The following ERBB3 variants were observed in gnomAD, a reference collection of about 807,000 sequenced individuals.
The protein encoded by ERBB3 is erb-b2 receptor tyrosine kinase 3, also known as receptor tyrosine-protein kinase erbB-3.
In ERBB3, 96 loss-of-function variants were observed where a neutral mutation model predicts 156.7. The observed-to-expected ratio is 0.61, with a 90% CI of 0.52 to 0.73. The LOEUF is 0.73. Ranked by LOEUF, ERBB3 falls within the 30% of genes least tolerant of loss-of-function variation. The pLI is 0.00. For missense variants in ERBB3, 1,406 were observed against 1,709.4 expected (o/e 0.82, Z 3.13); for synonymous variants, 567 against 632.0 (o/e 0.90, Z 1.54).
chr12:56,092,944 G>A (rs1358007079), intron 10 of ERBB3, 42 bp from the exon 11 acceptor site: 1 of 1,580,224 alleles, frequency 6.3e-7, no homozygotes. Flanking sequence ...ACCCAAGAAA[G>A]AAGAAGGCTC....
chr12:56,088,310 C>T (rs1402992493), intron 7 of ERBB3, 148 bp downstream of exon 7: 1 of 940,180 alleles, frequency 1.1e-6, no homozygotes, highest in Non-Finnish European at 1.7e-6. Context: ...GTGAGTGACC[C>T]TTACGTCCAG....
rs1167621194 is a variant in ERBB3 at position 56,080,433 on chromosome 12, AGTGCGC to A, written c.82+53_82+58del. On this transcript the variant is annotated intron_variant, in intron 1 of 27. Transcript: ENST00000267101. The stretch of plus-strand genomic sequence containing the variant: ...GCTCGGCACCTGGGAGCCGGAACCC[AGTGCGC>A]GCAGCCTCGGAGGGTATGGGCACGG... 4 of 1,423,600 alleles carry A rather than the reference AGTGCGC, an allele frequency of 2.8e-6. No individual in the cohort carries two copies. In the South Asian group the frequency reaches 4.9e-5, roughly 17 times the overall value. The allele number at this position is 1,423,600 out of a possible 1,614,324, so 88.2% of individuals were successfully genotyped here. A position where few individuals can be genotyped will look rare whatever the true frequency, so the allele number is the denominator to read the frequency against.
chr12:56,087,397 C>T (rs1016778872), intron 4 of ERBB3, among the ~76,000 whole-genome samples, 180 bp from the exon 5 acceptor site: 48 of 152,258 alleles, frequency 3.2e-4, no homozygotes, highest in African/African-American at 9.6e-4. Flanking sequence ...GGCGTGGCCG[C>T]GCCCCTTGTT....
chr12:56,093,400 C>T lies in ERBB3; in HGVS notation c.1330C>T (p.Arg444Ter), dbSNP rs771935902. ...KNLNVTSLGF[R>*]SLKEISAGRI... Reference sequence around the variant, plus strand: ...CTTGAATGTCACATCTCTGGGCTTCCGATCCCTGAAGGAAATTAGTGCTGG... The same window carrying T: ...CTTGAATGTCACATCTCTGGGCTTCTGATCCCTGAAGGAAATTAGTGCTGG... The change falls in exon 12 of 28, where the codon CGA becomes TGA. Residue 444 changes from arginine (R) to a stop codon, truncating the protein, a stop_gained. Coordinates refer to ENST00000267101, the MANE Select transcript of ERBB3 (RefSeq NM_001982.4). LOFTEE classifies it high-confidence loss of function. 1.1e-5 allele frequency: 18 copies of T among 1,613,912 alleles called. No homozygotes were observed. The highest frequency in any genetic ancestry group is 6.6e-5 in the South Asian group (6 of 91,074).
intron 1 of ERBB3, among the ~76,000 whole-genome samples, 176 bp downstream of exon 1, chr12:56,080,558 C>A (rs1351989886): frequency 6.6e-6 from 1 of 152,234 alleles, no homozygotes; most frequent in Non-Finnish European, 1.5e-5. Flanking sequence ...CGTGGTCCGG[C>A]CGAGGGCGGC....
In ERBB3 at chr12:56,083,899, G is replaced by A. The variant is rs199806001; in HGVS notation, c.231G>A (p.Leu77=). ...GACACAATGCCGACCTCTCCTTCCTGCAGGTTAGTGAGCCCACCCTCCTTC... is the reference window on the plus strand; with the variant it reads ...GACACAATGCCGACCTCTCCTTCCTACAGGTTAGTGAGCCCACCCTCCTTC... ...LTGHNADLSF[L]QWIREVTGYV... The change falls in exon 2 of 28, where the codon CTG becomes CTA. Residue 77 remains leucine (L), a synonymous_variant. Coordinates refer to ENST00000267101, the MANE Select transcript of ERBB3 (RefSeq NM_001982.4). 1.1e-4 allele frequency: 183 copies of A among 1,613,976 alleles called. No individual in the cohort carries two copies. The highest frequency in any genetic ancestry group is 1.2e-4 in the Admixed American group (7 of 59,998).
intron 1 of ERBB3, among the ~76,000 whole-genome samples, chr12:56,082,189 A>G (rs1868361324): frequency 6.6e-6 from 1 of 152,182 alleles, no homozygotes; most frequent in East Asian, 1.9e-4. Context: ...TAGATTCCTG[A>G]GCCAGCAGGA....
intron 1 of ERBB3, among the ~76,000 whole-genome samples, chr12:56,081,590 A>G (rs1032207220): frequency 2.0e-5 from 3 of 152,102 alleles, no homozygotes; most frequent in Admixed American, 2.0e-4. Context: ...GAGTGACTGT[A>G]TAACTGTCCC....
rs1286506615 is a variant in ERBB3 at position 56,097,775 on chromosome 12, A to G, written c.2461-10A>G. 1 of 1,612,578 alleles carries G rather than the reference A, an allele frequency of 6.2e-7. No individual in the cohort carries two copies. ...AACCTTAAGAATACTTTCTTCCCCT[A>G]TACCTACAGGGAATGTACTACCTTG... On this transcript the variant is annotated splice_polypyrimidine_tract_variant and intron_variant, in intron 20 of 27. Coordinates refer to ENST00000267101, the MANE Select transcript of ERBB3 (RefSeq NM_001982.4).
chr12:56,088,411 G>A (rs1868557728), intron 7 of ERBB3, 132 bp from the exon 8 acceptor site: 4 of 876,002 alleles, frequency 4.6e-6, no homozygotes, highest in African/African-American at 1.6e-5. Flanking sequence ...CAGCACTTAA[G>A]GGATCTAGGG....
intron 3 of ERBB3, among the ~76,000 whole-genome samples, chr12:56,085,804 T>C (rs1419618989): frequency 7.0e-6 from 1 of 142,892 alleles, no homozygotes; most frequent in Non-Finnish European, 1.5e-5. Flanking sequence ...GCGCGGTGGC[T>C]CACGCCTGTA....
In ERBB3 at chr12:56,093,089, T is replaced by C; in HGVS notation, c.1274+13T>C. On this transcript the variant is annotated intron_variant, in intron 11 of 27. Transcript: ENST00000267101. ...GAAGCCTCTACAAGTGAGTAAAGGGTATGGAGGAAATGGCATCTTCAGGCA... is the reference window on the plus strand; with the variant it reads ...GAAGCCTCTACAAGTGAGTAAAGGGCATGGAGGAAATGGCATCTTCAGGCA... 1 of 1,586,982 alleles carries C rather than the reference T, an allele frequency of 6.3e-7. No homozygotes were observed. The highest frequency in any genetic ancestry group is 1.1e-5 in the South Asian group (1 of 90,594).
chr12:56,097,643 C>T (rs940963386), intron 20 of ERBB3, 142 bp from the exon 21 acceptor site: 12 of 858,478 alleles, frequency 1.4e-5, no homozygotes, highest in Non-Finnish European at 2.3e-5. Context: ...CCTGGAAAAA[C>T]TGTCTTCCAC....
chr12:56,101,102 A>T lies in ERBB3; in HGVS notation c.3243A>T (p.Pro1081=). Residue 1081 remains proline (P), a synonymous_variant, in exon 27 of 28, where the codon CCA becomes CCT. Transcript: ENST00000267101. The part of the protein sequence containing the change: ...VSGSSERCPR[P]VSLHPMPRGC... ...GGAGCAGTGAACGGTGCCCCCGTCC[A>T]GTCTCTCTACACCCAATGCCACGGG... 1.2e-6 allele frequency: 2 copies of T among 1,614,104 alleles called. No individual in the cohort carries two copies. The highest frequency in any genetic ancestry group is 1.7e-6 in the Non-Finnish European group (2 of 1,180,010).
Position 56,102,406 on chromosome 12 carries a change from G to A in ERBB3, c.*351G>A, listed in dbSNP as rs1372769423. On this transcript the variant is annotated 3_prime_UTR_variant, in exon 28 of 28. Transcript: ENST00000267101. ...TGACTACTTGGAACTAGGCTCTTAT[G>A]TGTGCCTTTGTTTCCCATCAGACTG... is the stretch of plus-strand genomic sequence containing the variant. 1 of 300,576 alleles carries A rather than the reference G, an allele frequency of 3.3e-6. No individual in the cohort carries two copies. Among genetic ancestry groups the A allele is most frequent in the Non-Finnish European group, 6.3e-6 (1 of 159,530 alleles). 18.6% of individuals were successfully genotyped at this position (300,576 alleles called of 1,614,324 possible). A position where few individuals can be genotyped will look rare whatever the true frequency, so the allele number is the denominator to read the frequency against.
intron 25 of ERBB3, 51 bp from the exon 26 acceptor site, chr12:56,100,122 GA>G: frequency 6.3e-7 from 1 of 1,595,360 alleles, no homozygotes; most frequent in Non-Finnish European, 8.6e-7. Context: ...CCCCCATGGT[GA>G]ATGTAGATTT....
At chr12:56,089,933 T>G (rs1026098153) in intron 9 of ERBB3, among the ~76,000 whole-genome samples, 2 of 128,440 alleles carry the variant, frequency 1.6e-5, no homozygotes, top group African/African-American at 6.0e-5. Flanking sequence ...TAATTTTTTA[T>G]TTTGACATAA....
chr12:56,096,522 C>T lies in ERBB3; in HGVS notation c.2075C>T (p.Pro692Leu). Residue 692 changes from proline to leucine, a missense_variant, in exon 18 of 28, where the codon CCC (proline) becomes CTC (leucine). Around this residue, in one of 3 missense-constraint regions of ERBB3, gnomAD observed 979 missense variants for 1,219.6 expected, o/e 0.80. Transcript: ENST00000267101. Reference protein sequence around the residue: ...ERGESIEPLDPSEKANKVLAR... With the variant: ...ERGESIEPLDLSEKANKVLAR... ...CCTCAGAGCATAGAGCCTCTGGACC[C>T]CAGTGAGAAGGCTAACAAAGTCTTG... 1 of 1,614,126 alleles carries T rather than the reference C, an allele frequency of 6.2e-7. No homozygotes were observed. Among genetic ancestry groups the T allele is most frequent in the South Asian group, 1.1e-5 (1 of 91,088 alleles).
At chr12:56,093,259 A>G in intron 11 of ERBB3, 86 bp from the exon 12 acceptor site, 1 of 1,350,878 alleles carries the variant, frequency 7.4e-7, no homozygotes, top group Non-Finnish European at 1.1e-6. Context: ...ACTAGCACTG[A>G]GCAAATTTCT....
Sources: gnomAD v4.1 joint callset for allele counts (sites outside exome capture counted in the v4.1 genomes callset) on GRCh38, gnomAD v4.1.1 for gene constraint, gnomAD v4.1.1 regional missense constraint, MANE v1.5 for transcripts, NCBI Gene and HGNC (gene_info 2026-07-23, HGNC 2026-07-21) for gene names.